TET2: variants seen among roughly 807,000 people sequenced by gnomAD.
TET2 encodes the protein tet methylcytosine dioxygenase 2.
Under a neutral mutation model 142.9 loss-of-function variants are expected in TET2, and 299 were observed. The ratio of observed to expected loss-of-function variants is 2.09; its 90% CI spans 1.90 to 2.30. The LOEUF (loss-of-function observed/expected upper bound fraction) is 2.30. TET2 is among the 30% of genes most tolerant of loss of function. TET2 has a pLI of 0.00. For synonymous variants in TET2, 819 were observed against 849.0 expected, an observed-to-expected ratio of 0.96 and a Z score of 0.61; for missense variants, 2,418 against 2,378.0, an observed-to-expected ratio of 1.02 and a Z score of -0.35.
intron 1 of TET2, among the ~76,000 whole-genome samples, chr4:105,155,147 G>A (rs1723502558): frequency 6.6e-6 from 1 of 152,182 alleles, no homozygotes. Flanking sequence ...TGTGAAAACA[G>A]AAGGGCAATG....
chr4:105,192,489 A>G lies in TET2; in HGVS notation c.-47+1984A>G, dbSNP rs13146752. 1.6e-3 allele frequency among the ~76,000 whole-genome samples: 239 copies of G among 152,328 alleles called. 1 individual carries two copies. Among genetic ancestry groups the G allele is most frequent in the South Asian group, 6.6e-3 (32 of 4,832 alleles). On this transcript the variant is annotated intron_variant, in intron 2 of 10. Coordinates refer to ENST00000380013, the MANE Select transcript of TET2 (RefSeq NM_001127208.3). ...AAAGTAGGTAATAATAGATAATAACAGGATTATTTTATGCATTACCTGTAC... is the reference window on the plus strand; with the variant it reads ...AAAGTAGGTAATAATAGATAATAACGGGATTATTTTATGCATTACCTGTAC...
chr4:105,224,180 TAAAAC>T (rs963215466), intron 2 of TET2, among the ~76,000 whole-genome samples: 4 of 151,588 alleles, frequency 2.6e-5, no homozygotes, highest in African/African-American at 7.3e-5. Context: ...AACCAAAAAA[TAAAAC>T]AAAAACAAAA....
chr4:105,254,086 C>G (rs1190158918), intron 6 of TET2, among the ~76,000 whole-genome samples: 2 of 152,064 alleles, frequency 1.3e-5, no homozygotes, highest in Non-Finnish European at 2.9e-5. Flanking sequence ...CTGTAGTTAT[C>G]TTTTATTGTA....
At chr4:105,240,872 A>G (rs1729257364) in intron 3 of TET2, 1 of 1,079,250 alleles carries the variant, frequency 9.3e-7, no homozygotes. Context: ...AGGAAGAAAA[A>G]GGGGTATCCT....
intron 2 of TET2, 60 bp downstream of exon 2, chr4:105,190,565 T>C: frequency 1.5e-6 from 1 of 683,290 alleles, no homozygotes; most frequent in Non-Finnish European, 2.7e-6. Flanking sequence ...CCTAATGTAA[T>C]GGTAATCTCT....
chr4:105,273,719 A>G (rs558631446), intron 10 of TET2, among the ~76,000 whole-genome samples: 2 of 152,106 alleles, frequency 1.3e-5, no homozygotes, highest in Non-Finnish European at 2.9e-5. Flanking sequence ...AGAGAGAGAG[A>G]GGGGAGAATG....
intron 2 of TET2, among the ~76,000 whole-genome samples, chr4:105,226,371 C>G (rs1173604371): frequency 6.6e-6 from 1 of 152,140 alleles, no homozygotes; most frequent in Non-Finnish European, 1.5e-5. Context: ...CATATTATTA[C>G]TTATATTTGA....
rs981485418 is a variant in TET2, at chr4:105,233,774, C to G, written c.-46-123C>G. 7.2e-6 allele frequency: 4 copies of G among 553,294 alleles called. No individual in the cohort carries two copies. In the Admixed American group the frequency reaches 1.1e-4, roughly 15 times the overall value. 34.3% of individuals were successfully genotyped at this position (553,294 alleles called of 1,614,324 possible). On this transcript the variant is annotated intron_variant, in intron 2 of 10. Coordinates refer to ENST00000380013, the MANE Select transcript of TET2 (RefSeq NM_001127208.3). Reference sequence around the variant, plus strand: ...AAACATGAAAATAAATATCAGTTTGCTATGTCTAGGTATTCCGATATTTAT... The same window carrying G: ...AAACATGAAAATAAATATCAGTTTGGTATGTCTAGGTATTCCGATATTTAT...
intron 2 of TET2, among the ~76,000 whole-genome samples, chr4:105,203,561 A>C (rs934035212): frequency 6.6e-6 from 1 of 151,458 alleles, no homozygotes; most frequent in Non-Finnish European, 1.5e-5. Flanking sequence ...TTTGTATACC[A>C]ATACATTACA....
chr4:105,261,271 T>C (rs977929495), intron 7 of TET2, among the ~76,000 whole-genome samples: 9 of 152,234 alleles, frequency 5.9e-5, no homozygotes, highest in African/African-American at 2.2e-4. Context: ...TGCATTCTAG[T>C]TCTGAAGCAT....
chr4:105,212,029 T>C (rs1317667637), intron 2 of TET2, among the ~76,000 whole-genome samples: 3 of 152,222 alleles, frequency 2.0e-5, no homozygotes, highest in Non-Finnish European at 4.4e-5. Context: ...GAATGAGGCG[T>C]GAATAAGCAG....
chr4:105,213,949 G>T (rs932173293), intron 2 of TET2, among the ~76,000 whole-genome samples: 8 of 151,972 alleles, frequency 5.3e-5, no homozygotes, highest in Non-Finnish European at 8.8e-5. Flanking sequence ...AACCTCTGCT[G>T]CTGGGTTCAA....
intron 8 of TET2, among the ~76,000 whole-genome samples, chr4:105,268,112 C>T (rs1162867755): frequency 1.3e-5 from 2 of 151,984 alleles, no homozygotes; most frequent in East Asian, 1.9e-4. Context: ...ATAAAGCAGT[C>T]AAGATTGGGT....
At chr4:105,269,567 A>G (rs1730847489) in intron 8 of TET2, 43 bp from the exon 9 acceptor site, 2 of 1,546,878 alleles carry the variant, frequency 1.3e-6, no homozygotes, top group Non-Finnish European at 1.7e-6. Flanking sequence ...GTGTAAGAGT[A>G]AAACTAACTA....
At chr4:105,270,674 T>TTTTA (rs1553917971) in intron 9 of TET2, among the ~76,000 whole-genome samples, 2 of 149,360 alleles carry the variant, frequency 1.3e-5, no homozygotes, top group Admixed American at 6.7e-5. Flanking sequence ...TAGATACATG[T>TTTTA]TATATATATA....
chr4:105,168,491 A>G (rs576720063), intron 1 of TET2, among the ~76,000 whole-genome samples: 1 of 152,054 alleles, frequency 6.6e-6, no homozygotes, highest in South Asian at 2.1e-4. Context: ...TCTCTCCTTG[A>G]GTGTTACTTT....
intron 1 of TET2, among the ~76,000 whole-genome samples, chr4:105,159,481 C>G (rs979456695): frequency 1.3e-5 from 2 of 151,892 alleles, no homozygotes; most frequent in African/African-American, 4.8e-5. Context: ...TGTTGAACTC[C>G]CGACTTAAGG....
chr4:105,205,874 TC>T (rs1726789789), intron 2 of TET2, among the ~76,000 whole-genome samples: 1 of 152,148 alleles, frequency 6.6e-6, no homozygotes, highest in Non-Finnish European at 1.5e-5. Flanking sequence ...CCTCAGGTGA[TC>T]CACCTGCTTC....
intron 6 of TET2, among the ~76,000 whole-genome samples, chr4:105,249,298 T>C (rs922519325): frequency 5.9e-5 from 9 of 152,220 alleles, no homozygotes; most frequent in Non-Finnish European, 1.3e-4. Context: ...GTGCTGGGAT[T>C]ACAAGCATGA....
Sources: gnomAD v4.1 joint callset for allele counts (sites outside exome capture counted in the v4.1 genomes callset) on GRCh38, gnomAD v4.1.1 for gene constraint, MANE v1.5 for transcripts, NCBI Gene and HGNC (gene_info 2026-07-23, HGNC 2026-07-21) for gene names.